The following CDH4 variants were observed in gnomAD, a reference collection of about 807,000 sequenced individuals.
The protein encoded by CDH4 is cadherin-4.
In CDH4, 33 loss-of-function variants were observed where a neutral mutation model predicts 86.0. That is an observed-to-expected ratio of 0.38 (90% CI 0.29 to 0.51). The LOEUF is 0.51. CDH4 is among the 20% of genes least tolerant of loss of function. The probability of loss-of-function intolerance (pLI) is 0.86; values close to 1 mark genes in which losing one functional copy is unlikely to be tolerated. For missense variants in CDH4, 1,114 were observed against 1,307.4 expected, an observed-to-expected ratio of 0.85 and a Z score of 2.28; for synonymous variants, 555 against 549.4, an observed-to-expected ratio of 1.01 and a Z score of -0.14.
chr20:61,516,342 G>A lies in CDH4; in HGVS notation c.170-227221G>A, dbSNP rs892852161. 6.6e-6 allele frequency among the ~76,000 whole-genome samples: 1 copy of A among 152,152 alleles called. No homozygotes were observed. Among genetic ancestry groups the A allele is most frequent in the Non-Finnish European group, 1.5e-5 (1 of 68,036 alleles). On this transcript the variant is annotated intron_variant, in intron 2 of 15. Coordinates refer to ENST00000614565, the MANE Select transcript of CDH4 (RefSeq NM_001794.5). The surrounding 1 kb of genome is among the most constrained non-coding windows in gnomAD (Gnocchi z 4.0). ...CTATTAATGCCATGGTCCCTGAGCA[G>A]TCATGGGACCAACATCTGTCACACA...
chr20:61,532,376 G>A (rs890809473), intron 2 of CDH4, among the ~76,000 whole-genome samples: 1 of 152,148 alleles, frequency 6.6e-6, no homozygotes, highest in African/African-American at 2.4e-5. Context: ...AGTTCAACAC[G>A]AGGCGGCAAA....
chr20:61,651,350 C>T (rs2087118661), intron 2 of CDH4, among the ~76,000 whole-genome samples: 1 of 152,248 alleles, frequency 6.6e-6, no homozygotes. Context: ...GATATTGAGT[C>T]TTGCTCAGGT....
intron 2 of CDH4, among the ~76,000 whole-genome samples, chr20:61,478,965 T>G (rs1401320605): frequency 2.0e-5 from 3 of 152,174 alleles, no homozygotes; most frequent in Non-Finnish European, 4.4e-5. Context: ...TTGAAATTTT[T>G]TTTTTTTTTG....
chr20:61,659,212 T>C (rs370907916), intron 2 of CDH4, among the ~76,000 whole-genome samples: 10 of 151,876 alleles, frequency 6.6e-5, no homozygotes, highest in South Asian at 2.1e-4. Flanking sequence ...CTCGTGGGGG[T>C]TTGAAAGTGG....
chr20:61,928,125 G>A, intron 11 of CDH4, 65 bp from the exon 12 acceptor site: 1 of 1,217,656 alleles, frequency 8.2e-7, no homozygotes, highest in South Asian at 1.2e-5. Flanking sequence ...TGTCCTGTGT[G>A]GAGCTGTGGG....
At chr20:61,568,984 C>T (rs2086321840) in intron 2 of CDH4, among the ~76,000 whole-genome samples, 1 of 150,076 alleles carries the variant, frequency 6.7e-6, no homozygotes, top group African/African-American at 2.5e-5. Flanking sequence ...AGATGAAAGC[C>T]CAAACCTGAA....
intron 2 of CDH4, among the ~76,000 whole-genome samples, chr20:61,694,287 T>C (rs556876670): frequency 2.2e-4 from 34 of 152,276 alleles, no homozygotes; most frequent in Admixed American, 9.2e-4. Context: ...GCATTCTTTA[T>C]GGACCAGGCA....
chr20:61,544,605 T>C lies in CDH4; in HGVS notation c.170-198958T>C, dbSNP rs6061634. On this transcript the variant is annotated intron_variant, in intron 2 of 15. Transcript: ENST00000614565. This position sits in a 1 kb window ranked among gnomAD's most constrained non-coding sequence, Gnocchi z 6.5. Reference sequence around the variant, plus strand: ...TGGCATGACCGTGTGTGATGGGATGTGCCGGGGGCAGACAGGGCCCACCAG... The same window carrying C: ...TGGCATGACCGTGTGTGATGGGATGCGCCGGGGGCAGACAGGGCCCACCAG... Among the ~76,000 whole-genome samples, 46,994 of 151,688 alleles carry C rather than the reference T, an allele frequency of 0.31. 9,365 individuals are homozygous for C. The highest frequency in any genetic ancestry group is 0.57 in the African/African-American group (23,362 of 41,260).
At position 61,743,596 on chromosome 20, in the gene CDH4, C is replaced by T. The variant is rs1456929521; in HGVS notation, c.203C>T (p.Thr68Ile). The T allele has an allele frequency of 3.2e-6, 5 of 1,576,508 alleles. 1 individual carries two copies. The highest frequency in any genetic ancestry group is 2.3e-5 in the South Asian group (2 of 86,048). ...AGCAGCTGTGTGGGGACCAAGGGGACACAATATGAGACCAACAGCATGGAC... is the reference window on the plus strand; with the variant it reads ...AGCAGCTGTGTGGGGACCAAGGGGATACAATATGAGACCAACAGCATGGAC... ...KFSSCVGTKG[T>I]QYETNSMDFK... The change falls in exon 3 of 16, where the codon ACA (threonine) becomes ATA (isoleucine). Residue 68 changes from threonine to isoleucine, a missense_variant. This residue lies in a region of CDH4 where 221 missense variants were observed against 209.5 expected (regional missense o/e 1.05). Transcript: ENST00000614565.
In CDH4 at chr20:61,269,693, G is replaced by T. The variant is rs561184580; in HGVS notation, c.169+14756G>T. On this transcript the variant is annotated intron_variant, in intron 2 of 15. Transcript: ENST00000614565. This position sits in a 1 kb window ranked among gnomAD's most constrained non-coding sequence, Gnocchi z 5.3. The stretch of plus-strand genomic sequence containing the variant: ...AGCAGACCCCAGTCCTGCCAGAGCT[G>T]CCCTCCTGCTCTCCTCCTCCTCTTC... Among the ~76,000 whole-genome samples, 2 of 152,196 alleles carry T rather than the reference G, an allele frequency of 1.3e-5. No individual in the cohort carries two copies. The highest frequency in any genetic ancestry group is 2.9e-5 in the Non-Finnish European group (2 of 68,034).
chr20:61,449,823 A>G (rs915152656), intron 2 of CDH4, among the ~76,000 whole-genome samples: 1 of 152,180 alleles, frequency 6.6e-6, no homozygotes. Context: ...TTTCTATACC[A>G]TTTTTAAGAG....
intron 2 of CDH4, among the ~76,000 whole-genome samples, chr20:61,434,088 T>TG: frequency 6.6e-6 from 1 of 152,276 alleles, no homozygotes; most frequent in East Asian, 1.9e-4. Context: ...GCTTCGTTCT[T>TG]GGGGCTCATG....
At chr20:61,924,291 C>T (rs1353831324) in intron 10 of CDH4, 43 bp from the exon 11 acceptor site, 2 of 1,526,976 alleles carry the variant, frequency 1.3e-6, no homozygotes, top group Admixed American at 1.8e-5. Context: ...GCAGCCCCGC[C>T]CACCCCCAGC....
At chr20:61,573,370 C>A (rs1051308233) in intron 2 of CDH4, among the ~76,000 whole-genome samples, 2 of 152,232 alleles carry the variant, frequency 1.3e-5, no homozygotes, top group Admixed American at 1.3e-4. Context: ...TTGCTCATTT[C>A]AGAAACACAA....
intron 2 of CDH4, among the ~76,000 whole-genome samples, chr20:61,734,968 G>A (rs1309738170): frequency 2.0e-5 from 3 of 151,684 alleles, no homozygotes; most frequent in Non-Finnish European, 4.4e-5. Flanking sequence ...GCCTCGGGCA[G>A]GCGCCTGGTG....
chr20:61,355,414 G>T (rs775917825), intron 2 of CDH4, among the ~76,000 whole-genome samples: 3 of 152,180 alleles, frequency 2.0e-5, no homozygotes, highest in Non-Finnish European at 4.4e-5. Context: ...GAAGGGGAAG[G>T]TGATTGGGGG....
In CDH4 at chr20:61,923,113, T is replaced by G. The variant is rs1380721291; in HGVS notation, c.1375-338T>G. ...CCACACTAGGCTCAAAGGAGGAAGG[T>G]AGGGACGGGGTTACCAGGCCAGGAA... is the stretch of plus-strand genomic sequence containing the variant. On this transcript the variant is annotated intron_variant, in intron 9 of 15. Coordinates refer to ENST00000614565, the MANE Select transcript of CDH4 (RefSeq NM_001794.5). 5.9e-5 allele frequency among the ~76,000 whole-genome samples: 9 copies of G among 152,034 alleles called. No homozygotes were observed. In the East Asian group the frequency reaches 1.7e-3, roughly 29 times the overall value.
chr20:61,358,926 C>A (rs1437762644), intron 2 of CDH4, among the ~76,000 whole-genome samples: 1 of 152,190 alleles, frequency 6.6e-6, no homozygotes, highest in African/African-American at 2.4e-5. Context: ...CCGTGATTCA[C>A]CGGCTTTTGG....
At chr20:61,730,091 A>G (rs1204490009) in intron 2 of CDH4, among the ~76,000 whole-genome samples, 1 of 152,100 alleles carries the variant, frequency 6.6e-6, no homozygotes, top group Non-Finnish European at 1.5e-5. Context: ...AACGTCTTGC[A>G]TTCGTGTGTT....
Sources: gnomAD v4.1 joint callset for allele counts (sites outside exome capture counted in the v4.1 genomes callset) on GRCh38, gnomAD v4.1.1 for gene constraint, gnomAD v4.1.1 regional missense constraint, Gnocchi (gnomAD v3.1) non-coding constraint, MANE v1.5 for transcripts, NCBI Gene and HGNC (gene_info 2026-07-23, HGNC 2026-07-21) for gene names.